MB21D2: variants seen among roughly 807,000 people sequenced by gnomAD.
MB21D2 encodes Mab-21 domain containing 2.
In MB21D2, 9 loss-of-function variants were observed where a neutral mutation model predicts 33.3. The ratio of observed to expected loss-of-function variants is 0.27; its 90% CI spans 0.16 to 0.47. The LOEUF (loss-of-function observed/expected upper bound fraction) is 0.47. Among genes scored for constraint, MB21D2 ranks in the 20% least tolerant of loss-of-function variants. The probability of loss-of-function intolerance (pLI) is 0.99; values close to 1 mark genes in which losing one functional copy is unlikely to be tolerated. For missense variants in MB21D2, 540 were observed against 624.6 expected (o/e 0.86, Z 1.44); for synonymous variants, 241 against 236.3 (o/e 1.02, Z -0.18).
chr3:192,868,170 T>C (rs62293211), intron 1 of MB21D2, among the ~76,000 whole-genome samples: 5,428 of 152,342 alleles, frequency 0.036, 128 homozygotes, highest in Non-Finnish European at 0.043. Context: ...CTAACAACTC[T>C]GATTCTGTGA....
intron 1 of MB21D2, among the ~76,000 whole-genome samples, chr3:192,849,925 T>C (rs1712763061): frequency 7.6e-6 from 1 of 131,568 alleles, no homozygotes; most frequent in Non-Finnish European, 1.5e-5. Context: ...AAATTTTCTT[T>C]TTTTTTTTTT....
At chr3:192,802,781 A>T (rs1351468530) in intron 1 of MB21D2, among the ~76,000 whole-genome samples, 2 of 152,190 alleles carry the variant, frequency 1.3e-5, no homozygotes, top group Non-Finnish European at 2.9e-5. Context: ...GAAATCGTTT[A>T]CTCTTCATTA....
chr3:192,900,080 C>T (rs1432361788), intron 1 of MB21D2, among the ~76,000 whole-genome samples: 3 of 151,654 alleles, frequency 2.0e-5, no homozygotes, highest in African/African-American at 7.3e-5. Flanking sequence ...GTCAGGAGAT[C>T]GAGACCATCC....
chr3:192,830,291 G>GA (rs1384727126), intron 1 of MB21D2, among the ~76,000 whole-genome samples: 1 of 151,530 alleles, frequency 6.6e-6, no homozygotes, highest in Admixed American at 6.6e-5. Context: ...GGAGAGAGGA[G>GA]AAAAAAGATG....
intron 1 of MB21D2, among the ~76,000 whole-genome samples, chr3:192,842,043 T>C (rs1019158490): frequency 3.3e-5 from 5 of 152,142 alleles, no homozygotes; most frequent in South Asian, 4.1e-4. Flanking sequence ...AGCAGGGTGC[T>C]TGAGCAAGGA....
rs1288218770 is a variant in MB21D2, at chr3:192,889,346, T to C, written c.211+28284A>G. Among the ~76,000 whole-genome samples the C allele has an allele frequency of 2.0e-5, 3 of 151,974 alleles. 1 individual carries two copies. Among genetic ancestry groups the C allele is most frequent in the African/African-American group, 4.8e-5 (2 of 41,286 alleles). On this transcript the variant is annotated intron_variant, in intron 1 of 1. Transcript: ENST00000392452. ...TGTGAGAACAGACTGGTGAGTAGCT[T>C]GGAATGGCTGGAATGCACAGACCCA...
chr3:192,815,409 C>T (rs534317447), intron 1 of MB21D2, among the ~76,000 whole-genome samples: 49 of 152,274 alleles, frequency 3.2e-4, no homozygotes, highest in African/African-American at 1.0e-3. Flanking sequence ...TGCAGGTTCC[C>T]ATGTCTCACC....
intron 1 of MB21D2, among the ~76,000 whole-genome samples, chr3:192,877,515 C>T (rs556321643): frequency 2.8e-4 from 42 of 152,314 alleles, no homozygotes; most frequent in African/African-American, 9.6e-4. Context: ...CTGCCCATCG[C>T]GTATATCAAC....
intron 1 of MB21D2, among the ~76,000 whole-genome samples, chr3:192,901,296 G>A (rs7621229): frequency 0.53 from 80,106 of 151,382 alleles, 21,379 homozygotes; most frequent in Non-Finnish European, 0.54. Context: ...GCGGCCGGGA[G>A]CGGTGGCTCA....
At chr3:192,815,059 G>A (rs1011874732) in intron 1 of MB21D2, among the ~76,000 whole-genome samples, 6 of 151,894 alleles carry the variant, frequency 4.0e-5, no homozygotes, top group African/African-American at 1.2e-4. Flanking sequence ...TGGCTACTAA[G>A]GGAGAAATAA....
chr3:192,871,707 T>C (rs1205937542), intron 1 of MB21D2, among the ~76,000 whole-genome samples: 1 of 152,050 alleles, frequency 6.6e-6, no homozygotes, highest in Non-Finnish European at 1.5e-5. Flanking sequence ...AGGCCAAAGA[T>C]GGGCTGTGGA....
chr3:192,897,026 T>A (rs1039052405), intron 1 of MB21D2, among the ~76,000 whole-genome samples: 2 of 151,998 alleles, frequency 1.3e-5, no homozygotes, highest in African/African-American at 4.8e-5. Flanking sequence ...AATTCCTCTA[T>A]GGAAGGAGGA....
chr3:192,907,193 T>C (rs1714232799), intron 1 of MB21D2, among the ~76,000 whole-genome samples: 1 of 152,162 alleles, frequency 6.6e-6, no homozygotes, highest in South Asian at 2.1e-4. Flanking sequence ...AGCTGGCAAG[T>C]ACTTACCCAG....
chr3:192,831,540 C>A (rs562452503), intron 1 of MB21D2, among the ~76,000 whole-genome samples: 1 of 152,318 alleles, frequency 6.6e-6, no homozygotes, highest in African/African-American at 2.4e-5. Context: ...TTTCCATAGT[C>A]ACGTCACCTT....
intron 1 of MB21D2, among the ~76,000 whole-genome samples, chr3:192,827,624 G>T (rs1712205268): frequency 6.6e-6 from 1 of 152,110 alleles, no homozygotes; most frequent in Non-Finnish European, 1.5e-5. Context: ...GTGGAAAGTA[G>T]AGTCAGAAAC....
intron 1 of MB21D2, among the ~76,000 whole-genome samples, chr3:192,869,559 A>G (rs1407375860): frequency 6.6e-6 from 1 of 152,330 alleles, no homozygotes; most frequent in South Asian, 2.1e-4. Context: ...GTCTGACTCA[A>G]CCCAGGCTCT....
chr3:192,864,139 T>C (rs11918103), intron 1 of MB21D2, among the ~76,000 whole-genome samples: 5,424 of 152,326 alleles, frequency 0.036, 129 homozygotes, highest in Non-Finnish European at 0.043. Context: ...CTGTAAAGTT[T>C]ACATTTGTGC....
intron 1 of MB21D2, among the ~76,000 whole-genome samples, chr3:192,841,577 T>C (rs1712573120): frequency 6.6e-6 from 1 of 152,254 alleles, no homozygotes. Context: ...TGGAAGTGGA[T>C]ACTCCAGCCC....
At chr3:192,888,348 T>C (rs1285135779) in intron 1 of MB21D2, among the ~76,000 whole-genome samples, 1 of 152,132 alleles carries the variant, frequency 6.6e-6, no homozygotes, top group Admixed American at 6.5e-5. Flanking sequence ...TGGGAATCAT[T>C]AACAAACTAT....
Sources: gnomAD v4.1 joint callset for allele counts (sites outside exome capture counted in the v4.1 genomes callset) on GRCh38, gnomAD v4.1.1 for gene constraint, MANE v1.5 for transcripts, NCBI Gene and HGNC (gene_info 2026-07-23, HGNC 2026-07-21) for gene names.